Variants in SYPL1 observed in about 807,000 individuals in gnomAD.
The protein encoded by SYPL1 is synaptophysin like 1, also known as synaptophysin-like protein 1.
A neutral mutation model predicts 23.7 loss-of-function variants in SYPL1; 6 were observed. The ratio of observed to expected loss-of-function variants is 0.25; its 90% CI spans 0.14 to 0.50. The LOEUF (loss-of-function observed/expected upper bound fraction) is 0.50, where lower values mean the gene tolerates loss of function less well. Among genes scored for constraint, SYPL1 ranks in the 20% least tolerant of loss-of-function variants. The pLI is 0.98. For missense variants in SYPL1, 253 were observed against 288.9 expected (o/e 0.88, Z 0.90); for synonymous variants, 102 against 104.5 (o/e 0.98, Z 0.15).
upstream of SYPL1, chr7:106,112,525 G>A: frequency 6.6e-7 from 1 of 1,517,762 alleles, no homozygotes; most frequent in Non-Finnish European, 8.8e-7. Context: ...GATGTTGGGC[G>A]CCATACTGCG....
intron 1 of SYPL1, among the ~76,000 whole-genome samples, chr7:106,106,945 C>A (rs372308502): frequency 6.6e-6 from 1 of 152,332 alleles, no homozygotes; most frequent in East Asian, 1.9e-4. Context: ...TACTAGTATT[C>A]ACCTGGTTTA....
At position 106,112,211 on chromosome 7, in the gene SYPL1, T is replaced by C; in HGVS notation, c.-3A>G. ...AGGTTGATCTGGAAGCCGGACATCCTCTGAGGAAAGGAGGGAGAGAGAGTC... is the reference window on the plus strand; with the variant it reads ...AGGTTGATCTGGAAGCCGGACATCCCCTGAGGAAAGGAGGGAGAGAGAGTC... On this transcript the variant is annotated 5_prime_UTR_variant, in exon 1 of 5. Coordinates refer to ENST00000455385, the MANE Select transcript of SYPL1 (RefSeq NM_182715.4). 6.5e-7 allele frequency: 1 copy of C among 1,540,978 alleles called. No individual in the cohort carries two copies. Among genetic ancestry groups the C allele is most frequent in the Non-Finnish European group, 8.8e-7 (1 of 1,135,980 alleles).
At chr7:106,101,438 GCCCCCCCCCC>G (rs202082361) in intron 1 of SYPL1, among the ~76,000 whole-genome samples, 2 of 132,182 alleles carry the variant, frequency 1.5e-5, no homozygotes, top group Non-Finnish European at 3.1e-5. Context: ...TTTCCCATCC[GCCCCCCCCCC>G]CCCCCCCCCC....
rs1840241530 is a variant in SYPL1 at position 106,100,192 on chromosome 7, T to C, written c.70-910A>G. On this transcript the variant is annotated intron_variant, in intron 1 of 4. Coordinates refer to ENST00000455385, the MANE Select transcript of SYPL1 (RefSeq NM_182715.4). The surrounding 1 kb of genome is among the most constrained non-coding windows in gnomAD (Gnocchi z 5.1). ...GTGGGTATTTCCAGGTCTCAAAAAG[T>C]TGTTGGAAACTTATTTTCCTAATCA... is the stretch of plus-strand genomic sequence containing the variant. Among the ~76,000 whole-genome samples, 1 of 152,206 alleles carries C rather than the reference T, an allele frequency of 6.6e-6. No individual in the cohort carries two copies.
intron 1 of SYPL1, among the ~76,000 whole-genome samples, chr7:106,111,175 G>A (rs1262930006): frequency 6.6e-6 from 1 of 152,178 alleles, no homozygotes; most frequent in African/African-American, 2.4e-5. Context: ...GAGTTTCTAC[G>A]CTGCTTTTAA....
intron 3 of SYPL1, among the ~76,000 whole-genome samples, chr7:106,094,706 T>C (rs1305530962): frequency 2.0e-5 from 3 of 152,220 alleles, no homozygotes; most frequent in Non-Finnish European, 4.4e-5. Context: ...AATTTCTCTT[T>C]ACGGAAAAGT....
At chr7:106,110,580 C>T (rs997168427) in intron 1 of SYPL1, among the ~76,000 whole-genome samples, 2 of 152,172 alleles carry the variant, frequency 1.3e-5, no homozygotes, top group Non-Finnish European at 2.9e-5. Flanking sequence ...TTTACCACAC[C>T]ATTAACAATG....
rs4419738 is a variant in SYPL1, at chr7:106,092,564, C to T, written c.591+385G>A. 9.6e-4 allele frequency: 306 copies of T among 318,308 alleles called. 1 individual carries two copies. Among genetic ancestry groups the T allele is most frequent in the African/African-American group, 6.7e-3 (285 of 42,832 alleles). 19.7% of individuals were successfully genotyped at this position (318,308 alleles called of 1,614,324 possible). Reference sequence around the variant, plus strand: ...GGCACATGCCTGTAATCCCAGCTACCTGGGAGGCTGAGGTAGGAGAATCAC... The same window carrying T: ...GGCACATGCCTGTAATCCCAGCTACTTGGGAGGCTGAGGTAGGAGAATCAC... On this transcript the variant is annotated intron_variant, in intron 4 of 4. Transcript: ENST00000455385.
intron 1 of SYPL1, among the ~76,000 whole-genome samples, chr7:106,103,880 T>C (rs1840451242): frequency 6.6e-6 from 1 of 152,200 alleles, no homozygotes; most frequent in African/African-American, 2.4e-5. Flanking sequence ...AGGAATTTCC[T>C]CAATTGTTTT....
In SYPL1 at chr7:106,112,265, C is replaced by G. The variant is rs373449152; in HGVS notation, c.-57G>C. 1.5e-4 allele frequency: 231 copies of G among 1,503,858 alleles called. No homozygotes were observed. Among genetic ancestry groups the G allele is most frequent in the Non-Finnish European group, 2.0e-4 (226 of 1,115,726 alleles). 93.2% of individuals were successfully genotyped at this position (1,503,858 alleles called of 1,614,324 possible). The stretch of plus-strand genomic sequence containing the variant: ...ACGACGGGGCGGAGGAGGGGACCGA[C>G]GAGACCAGAGCAGCCCGGTGGCGAG... On this transcript the variant is annotated 5_prime_UTR_variant, in exon 1 of 5. Coordinates refer to ENST00000455385, the MANE Select transcript of SYPL1 (RefSeq NM_182715.4).
At chr7:106,102,166 C>T (rs1840359067) in intron 1 of SYPL1, among the ~76,000 whole-genome samples, 1 of 151,504 alleles carries the variant, frequency 6.6e-6, no homozygotes, top group Admixed American at 6.6e-5. Context: ...AATCTTGGCT[C>T]ACTGCAACCT....
intron 1 of SYPL1, among the ~76,000 whole-genome samples, chr7:106,108,554 T>A (rs1840737129): frequency 6.6e-6 from 1 of 152,048 alleles, no homozygotes; most frequent in Admixed American, 6.6e-5. Flanking sequence ...ACCACCAACA[T>A]AAGTGAACAT....
Position 106,097,971 on chromosome 7 carries a change from C to T in SYPL1, c.195-74G>A. 1.6e-6 allele frequency: 2 copies of T among 1,254,960 alleles called. No homozygotes were observed. The highest frequency in any genetic ancestry group is 1.5e-5 in the African/African-American group (1 of 66,768). The allele number at this position is 1,254,960 out of a possible 1,614,324, so 77.7% of individuals were successfully genotyped here. Reference sequence around the variant, plus strand: ...AACATTTAAGCAAAACAATGAGTGACACTTCAAAAAATACTCCCCAAATAT... The same window carrying T: ...AACATTTAAGCAAAACAATGAGTGATACTTCAAAAAATACTCCCCAAATAT... On this transcript the variant is annotated intron_variant, in intron 2 of 4. Transcript: ENST00000455385. The surrounding 1 kb of genome is among the most constrained non-coding windows in gnomAD (Gnocchi z 4.6).
At chr7:106,107,814 A>G (rs1464590936) in intron 1 of SYPL1, among the ~76,000 whole-genome samples, 2 of 152,112 alleles carry the variant, frequency 1.3e-5, no homozygotes, top group African/African-American at 4.8e-5. Context: ...AACAGCTAGA[A>G]GTTTTTTGCT....
In SYPL1 at chr7:106,111,995, CTCCCTGCCG is replaced by C. The variant is rs2087368886; in HGVS notation, c.69+136_69+144del. 5.7e-6 allele frequency: 6 copies of C among 1,054,486 alleles called. No homozygotes were observed. The Admixed American group carries it at 1.5e-4, about 26-fold the overall frequency. 65.3% of individuals were successfully genotyped at this position (1,054,486 alleles called of 1,614,324 possible). A position where few individuals can be genotyped will look rare whatever the true frequency, so the allele number is the denominator to read the frequency against. On this transcript the variant is annotated intron_variant, in intron 1 of 4. Coordinates refer to ENST00000455385, the MANE Select transcript of SYPL1 (RefSeq NM_182715.4). ...CGGCCCAGGCCGCGGCCTCCCTGCC[CTCCCTGCCG>C]TCCACTCCCAGTCCCGGGGCGGCGG...
chr7:106,110,952 A>G (rs1240710073), intron 1 of SYPL1, among the ~76,000 whole-genome samples: 1 of 152,208 alleles, frequency 6.6e-6, no homozygotes, highest in Non-Finnish European at 1.5e-5. Flanking sequence ...TGCTTTAATC[A>G]TGGTTTTCTT....
rs956919995 is a variant in SYPL1, at chr7:106,095,105, G to T, written c.403-1968C>A. On this transcript the variant is annotated intron_variant, in intron 3 of 4. Transcript: ENST00000455385. The surrounding 1 kb of genome is among the most constrained non-coding windows in gnomAD (Gnocchi z 4.3). The stretch of plus-strand genomic sequence containing the variant: ...CTAATTTTGTTTGGATTCATTTTCT[G>T]GTATTCTCAATTTTCCACATTGCCT... 1.3e-5 allele frequency among the ~76,000 whole-genome samples: 2 copies of T among 151,740 alleles called. No individual in the cohort carries two copies. The highest frequency in any genetic ancestry group is 4.8e-5 in the African/African-American group (2 of 41,296).
At chr7:106,101,480 C>A (rs1840318771) in intron 1 of SYPL1, among the ~76,000 whole-genome samples, 3 of 111,338 alleles carry the variant, frequency 2.7e-5, no homozygotes, top group African/African-American at 3.7e-5. Context: ...AAAAAAGATA[C>A]ATGAAAAGAA....
chr7:106,099,807 TG>T (rs1840220557), intron 1 of SYPL1, among the ~76,000 whole-genome samples: 1 of 152,192 alleles, frequency 6.6e-6, no homozygotes, highest in South Asian at 2.1e-4. Flanking sequence ...CCCAAGTAGC[TG>T]GGACTAAGGA....
Sources: gnomAD v4.1 joint callset for allele counts (sites outside exome capture counted in the v4.1 genomes callset) on GRCh38, gnomAD v4.1.1 for gene constraint, Gnocchi (gnomAD v3.1) non-coding constraint, MANE v1.5 for transcripts, NCBI Gene and HGNC (gene_info 2026-07-23, HGNC 2026-07-21) for gene names.